TADA1: variants seen among roughly 807,000 people sequenced by gnomAD.
TADA1 encodes the protein transcriptional adapter 1.
TADA1 carries 23 observed loss-of-function variants against 39.3 expected under a neutral mutation model. The ratio of observed to expected loss-of-function variants is 0.58; its 90% CI spans 0.42 to 0.83. TADA1 has a LOEUF of 0.83. Among genes scored for constraint, TADA1 ranks in the 40% least tolerant of loss-of-function variants. TADA1 has a pLI of 0.00. For missense variants in TADA1, 352 were observed against 408.1 expected (o/e 0.86, Z 1.18); for synonymous variants, 137 against 151.8 (o/e 0.90, Z 0.72).
At chr1:166,875,910 C>G (rs1169575710) in intron 1 of TADA1, among the ~76,000 whole-genome samples, 9 of 152,296 alleles carry the variant, frequency 5.9e-5, no homozygotes, top group African/African-American at 1.9e-4. Flanking sequence ...CCGCCCCACC[C>G]AGGGCAGACA....
chr1:166,858,748 C>T (rs1658340260), intron 6 of TADA1, among the ~76,000 whole-genome samples: 1 of 152,214 alleles, frequency 6.6e-6, no homozygotes, highest in Non-Finnish European at 1.5e-5. Context: ...AGAAGTCAGA[C>T]ATAGTTTTTA....
chr1:166,866,071 T>A (rs1274490603), intron 3 of TADA1, among the ~76,000 whole-genome samples: 1 of 152,172 alleles, frequency 6.6e-6, no homozygotes, highest in South Asian at 2.1e-4. Flanking sequence ...CCCTTCCTGA[T>A]AAATGAAACT....
intron 1 of TADA1, among the ~76,000 whole-genome samples, chr1:166,871,953 T>TC (rs1557911439): frequency 2.0e-5 from 3 of 152,166 alleles, no homozygotes; most frequent in African/African-American, 4.8e-5. Flanking sequence ...GTTCCAGAAC[T>TC]AAAACAAGGC....
intron 1 of TADA1, among the ~76,000 whole-genome samples, chr1:166,874,469 T>A (rs1658722586): frequency 6.6e-6 from 1 of 152,028 alleles, no homozygotes; most frequent in Non-Finnish European, 1.5e-5. Context: ...ACAGTGAACA[T>A]CAATATCGAA....
At position 166,869,762 on chromosome 1, in the gene TADA1, C is replaced by A. The variant is rs940098644; in HGVS notation, c.166+1G>T. 6.2e-7 allele frequency: 1 copy of A among 1,605,820 alleles called. No homozygotes were observed. The highest frequency in any genetic ancestry group is 1.3e-5 in the African/African-American group (1 of 74,794). Reference sequence around the variant, plus strand: ...AATAACTCTGCAGATAATTATTTTACCATTATCCTGTGTGAGAAGTCTATG... The same window carrying A: ...AATAACTCTGCAGATAATTATTTTAACATTATCCTGTGTGAGAAGTCTATG... On this transcript the variant is annotated splice_donor_variant, in intron 2 of 7. Transcript: ENST00000367874. LOFTEE classifies it high-confidence loss of function.
chr1:166,857,745 C>T (rs1246448621), intron 7 of TADA1, 26 bp from the exon 8 acceptor site: 5 of 1,605,820 alleles, frequency 3.1e-6, no homozygotes, highest in Non-Finnish European at 4.3e-6. Context: ...TAACGCATGT[C>T]CAATTATACT....
Position 166,876,238 on chromosome 1 carries a change from C to G in TADA1, c.-5G>C, listed in dbSNP as rs1401962680. 3 of 1,612,938 alleles carry G rather than the reference C, an allele frequency of 1.9e-6. No individual in the cohort carries two copies. The highest frequency in any genetic ancestry group is 2.5e-6 in the Non-Finnish European group (3 of 1,179,586). ...CTCGCTCACAAAGGTCGCCATTGCT[C>G]CGCGTGTCTCAGCCCGACCGCAGAC... On this transcript the variant is annotated 5_prime_UTR_variant, in exon 1 of 8. Coordinates refer to ENST00000367874, the MANE Select transcript of TADA1 (RefSeq NM_053053.4).
intron 1 of TADA1, among the ~76,000 whole-genome samples, chr1:166,870,812 G>A (rs533523170): frequency 4.5e-4 from 69 of 152,316 alleles, no homozygotes; most frequent in African/African-American, 1.6e-3. Flanking sequence ...CTGGGTGACA[G>A]AGCAAGACCT....
At chr1:166,859,916 T>TC (rs1658368137) in intron 6 of TADA1, among the ~76,000 whole-genome samples, 1 of 152,064 alleles carries the variant, frequency 6.6e-6, no homozygotes, top group Non-Finnish European at 1.5e-5. Context: ...TATGCACTAC[T>TC]CCACTGCACC....
intron 3 of TADA1, among the ~76,000 whole-genome samples, chr1:166,867,891 A>G (rs1380549188): frequency 1.3e-5 from 2 of 152,124 alleles, no homozygotes; most frequent in African/African-American, 2.4e-5. Context: ...TGAGTTCTTT[A>G]TCATACAGTA....
At chr1:166,868,564 G>A (rs950911250) in intron 3 of TADA1, among the ~76,000 whole-genome samples, 3 of 152,136 alleles carry the variant, frequency 2.0e-5, no homozygotes, top group African/African-American at 7.2e-5. Flanking sequence ...ATTTACTTAA[G>A]TAATCTAAAA....
rs531233172 is a variant in TADA1, at chr1:166,873,153, C to T, written c.74+3007G>A. 8.5e-5 allele frequency among the ~76,000 whole-genome samples: 13 copies of T among 152,080 alleles called. No individual in the cohort carries two copies. The East Asian group carries it at 1.5e-3, about 18-fold the overall frequency. Reference sequence around the variant, plus strand: ...GGACATGGTGGTGGGCGCCTGTAATCGCAGCTACTCAGGAGGCTGATGCAG... The same window carrying T: ...GGACATGGTGGTGGGCGCCTGTAATTGCAGCTACTCAGGAGGCTGATGCAG... On this transcript the variant is annotated intron_variant, in intron 1 of 7. Coordinates refer to ENST00000367874, the MANE Select transcript of TADA1 (RefSeq NM_053053.4).
intron 4 of TADA1, 151 bp from the exon 5 acceptor site, chr1:166,862,563 A>AATAATCACAGATTCAC (rs1658439334): frequency 1.6e-6 from 1 of 628,250 alleles, no homozygotes; most frequent in Non-Finnish European, 2.8e-6. Flanking sequence ...TTCATGCACA[A>AATAATCACAGATTCAC]ATAATCACAG....
At chr1:166,860,764 G>A (rs2101787175) in intron 5 of TADA1, among the ~76,000 whole-genome samples, 1 of 152,222 alleles carries the variant, frequency 6.6e-6, no homozygotes, top group African/African-American at 2.4e-5. Flanking sequence ...CTGTCTCCAA[G>A]GTTCAAGCAA....
chr1:166,858,288 A>AGC lies in TADA1; in HGVS notation c.693-8_693-7insGC, dbSNP rs1422506501. The AGC allele has an allele frequency of 6.5e-7, 1 of 1,533,194 alleles. No homozygotes were observed. Among genetic ancestry groups the AGC allele is most frequent in the Non-Finnish European group, 8.7e-7 (1 of 1,143,084 alleles). The allele number at this position is 1,533,194 out of a possible 1,614,324, so 95.0% of individuals were successfully genotyped here. A position where few individuals can be genotyped will look rare whatever the true frequency, so the allele number is the denominator to read the frequency against. On this transcript the variant is annotated splice_region_variant and splice_polypyrimidine_tract_variant and intron_variant, in intron 6 of 7. Transcript: ENST00000367874. Reference sequence around the variant, plus strand: ...AGCAGTAAAAGCTGGAGGGCTGAAAATAAAAATTTCAGAAATAGTCCCAGC... The same window carrying AGC: ...AGCAGTAAAAGCTGGAGGGCTGAAAAGCTAAAAATTTCAGAAATAGTCCCAGC...
chr1:166,867,538 G>A (rs1432731389), intron 3 of TADA1, among the ~76,000 whole-genome samples: 1 of 151,608 alleles, frequency 6.6e-6, no homozygotes, highest in Non-Finnish European at 1.5e-5. Context: ...CATTAACAAC[G>A]ACTTCTTTGA....
intron 1 of TADA1, 49 bp from the exon 2 acceptor site, chr1:166,869,903 GT>G: frequency 9.4e-6 from 14 of 1,495,270 alleles, no homozygotes; most frequent in African/African-American, 2.8e-5. Flanking sequence ...GCTGCTTCTA[GT>G]TTTTTTTGTT....
intron 1 of TADA1, among the ~76,000 whole-genome samples, chr1:166,874,710 A>G (rs1376632756): frequency 2.0e-5 from 3 of 152,178 alleles, no homozygotes; most frequent in Admixed American, 1.3e-4. Flanking sequence ...AGCTCAGGAG[A>G]TCAAGGTTGC....
At position 166,866,970 on chromosome 1, in the gene TADA1, C is replaced by T. The variant is rs376247423; in HGVS notation, c.232+2475G>A. On this transcript the variant is annotated intron_variant, in intron 3 of 7. Coordinates refer to ENST00000367874, the MANE Select transcript of TADA1 (RefSeq NM_053053.4). ...ATGTTGGCCAGGCTGGTCTTGAACT[C>T]CTGACTTCAGGTGATCCACCCACCT... Among the ~76,000 whole-genome samples the T allele has an allele frequency of 5.7e-3, 875 of 152,240 alleles. 8 individuals are homozygous for T. Among genetic ancestry groups the T allele is most frequent in the Middle Eastern group, 0.01 (3 of 294 alleles).
Sources: gnomAD v4.1 joint callset for allele counts (sites outside exome capture counted in the v4.1 genomes callset) on GRCh38, gnomAD v4.1.1 for gene constraint, MANE v1.5 for transcripts, NCBI Gene and HGNC (gene_info 2026-07-23, HGNC 2026-07-21) for gene names.